Variants in SNAP91 observed in about 807,000 individuals in gnomAD.
The protein encoded by SNAP91 is synaptosome associated protein 91, also known as clathrin coat assembly protein AP180.
SNAP91 carries 27 observed loss-of-function variants against 100.3 expected under a neutral mutation model. That is an observed-to-expected ratio of 0.27 (90% confidence interval 0.20 to 0.37). SNAP91 has a LOEUF of 0.37. Among genes scored for constraint, SNAP91 ranks in the 10% least tolerant of loss-of-function variants. SNAP91 has a pLI of 1.00. For missense variants in SNAP91, 986 were observed against 1,123.7 expected, an observed-to-expected ratio of 0.88 and a Z score of 1.75; for synonymous variants, 404 against 398.6, an observed-to-expected ratio of 1.01 and a Z score of -0.16.
At chr6:83,648,172 G>A (rs1028976795) in intron 7 of SNAP91, among the ~76,000 whole-genome samples, 5 of 152,050 alleles carry the variant, frequency 3.3e-5, no homozygotes, top group Admixed American at 3.3e-4. Flanking sequence ...CTGTAAGTTA[G>A]TTTGCATTTT....
intron 2 of SNAP91, among the ~76,000 whole-genome samples, chr6:83,690,588 G>A (rs903012903): frequency 3.3e-5 from 5 of 152,002 alleles, no homozygotes; most frequent in South Asian, 2.1e-4. Flanking sequence ...TACTAAAATC[G>A]GATGCATTTC....
rs375376910 is a variant in SNAP91, at chr6:83,593,729, G to A, written c.1445C>T (p.Pro482Leu). ...DACSGNDPFA[P>L]SEGSAEAAPE... ...TGCAGCCTCTGCACTACCTTCAGAC[G>A]GGGCAAAGGGGTCTTTTGGAAAGGA... Residue 482 changes from proline (P) to leucine (L), a missense_variant, in exon 18 of 30, where the codon CCG (proline) becomes CTG (leucine). By Grantham distance (98) the Pro-to-Leu change is moderately conservative (BLOSUM62 -3). Coordinates refer to ENST00000369694, the MANE Select transcript of SNAP91 (RefSeq NM_001242792.2). 15 of 1,565,202 alleles carry A rather than the reference G, an allele frequency of 9.6e-6. No homozygotes were observed. The highest frequency in any genetic ancestry group is 9.0e-5 in the East Asian group (4 of 44,252).
Position 83,592,456 on chromosome 6 carries a change from C to T in SNAP91, c.1929G>A (p.Gly643=). Residue 643 remains glycine (G), a splice_region_variant and synonymous_variant, in exon 21 of 30, where the codon GGG becomes GGA. Coordinates refer to ENST00000369694, the MANE Select transcript of SNAP91 (RefSeq NM_001242792.2). ...TGTTGATGGAGGAGAAATACGCACC[C>T]CCAAAAAGGTCTATGACACCTGAAG... The part of the protein sequence containing the change: ...VDSSGVIDLF[G]DAFGSSASEP... 1 of 1,606,218 alleles carries T rather than the reference C, an allele frequency of 6.2e-7. No individual in the cohort carries two copies. The highest frequency in any genetic ancestry group is 8.5e-7 in the Non-Finnish European group (1 of 1,175,474).
intron 22 of SNAP91, among the ~76,000 whole-genome samples, chr6:83,585,030 G>C (rs1201753248): frequency 6.6e-6 from 1 of 152,074 alleles, no homozygotes; most frequent in African/African-American, 2.4e-5. Context: ...TGATATAAAA[G>C]GACCAACTGA....
At chr6:83,582,150 T>C in intron 23 of SNAP91, 72 bp downstream of exon 23, 2 of 1,510,602 alleles carry the variant, frequency 1.3e-6, no homozygotes, top group Non-Finnish European at 1.8e-6. Context: ...CCTGATAGCA[T>C]ACTAACCTTA....
intron 8 of SNAP91, among the ~76,000 whole-genome samples, chr6:83,628,876 C>T (rs2097090311): frequency 1.3e-5 from 2 of 152,066 alleles, no homozygotes; most frequent in Admixed American, 1.3e-4. Context: ...AATTAAGTCC[C>T]AGAAATTTAT....
chr6:83,606,891 A>T (rs906144516), intron 13 of SNAP91, among the ~76,000 whole-genome samples: 1 of 152,212 alleles, frequency 6.6e-6, no homozygotes, highest in African/African-American at 2.4e-5. Context: ...ATTTAATTAG[A>T]ACAGTAATAG....
At position 83,553,853 on chromosome 6, in the gene SNAP91, A is replaced by G. The variant is rs551849961; in HGVS notation, c.*443T>C. On this transcript the variant is annotated 3_prime_UTR_variant, in exon 30 of 30. Coordinates refer to ENST00000369694, the MANE Select transcript of SNAP91 (RefSeq NM_001242792.2). ...TTTCCTTATTATCTGGTATTATCAC[A>G]CTACGCTTGTAACAGAGATACAGAA... The G allele has an allele frequency of 3.5e-4, 53 of 152,316 alleles. No homozygotes were observed. The highest frequency in any genetic ancestry group is 1.2e-3 in the African/African-American group (49 of 41,578). 9.4% of individuals were successfully genotyped at this position (152,316 alleles called of 1,614,324 possible).
chr6:83,556,729 T>C (rs1364348501), intron 28 of SNAP91, among the ~76,000 whole-genome samples: 9 of 152,222 alleles, frequency 5.9e-5, no homozygotes, highest in Non-Finnish European at 1.2e-4. Flanking sequence ...CATTAGTACC[T>C]CTAAACTAAT....
At chr6:83,572,342 G>A (rs937696024) in intron 26 of SNAP91, among the ~76,000 whole-genome samples, 5 of 152,116 alleles carry the variant, frequency 3.3e-5, no homozygotes, top group African/African-American at 1.2e-4. Flanking sequence ...CTCCTCCTGG[G>A]TTCAAGTGAT....
chr6:83,669,684 C>A (rs555192938), intron 2 of SNAP91, among the ~76,000 whole-genome samples: 2 of 151,952 alleles, frequency 1.3e-5, no homozygotes, highest in Non-Finnish European at 2.9e-5. Flanking sequence ...CACCAATTTG[C>A]TTTCAGTCAA....
intron 7 of SNAP91, among the ~76,000 whole-genome samples, chr6:83,654,889 G>C (rs1353928080): frequency 6.6e-6 from 1 of 152,092 alleles, no homozygotes; most frequent in Non-Finnish European, 1.5e-5. Context: ...TACAGAACTA[G>C]GTAATGATTT....
chr6:83,580,071 T>A (rs888621749), intron 24 of SNAP91, among the ~76,000 whole-genome samples: 1 of 152,212 alleles, frequency 6.6e-6, no homozygotes, highest in African/African-American at 2.4e-5. Flanking sequence ...GAAACTCAGT[T>A]GGATACTCAA....
At chr6:83,692,762 CAT>C (rs1177225761) in intron 2 of SNAP91, among the ~76,000 whole-genome samples, 1 of 152,096 alleles carries the variant, frequency 6.6e-6, no homozygotes, top group African/African-American at 2.4e-5. Flanking sequence ...CATCAAAAGA[CAT>C]AACTAATGAG....
intron 11 of SNAP91, among the ~76,000 whole-genome samples, chr6:83,612,778 C>T (rs952011753): frequency 2.0e-5 from 3 of 151,496 alleles, no homozygotes; most frequent in African/African-American, 7.3e-5. Flanking sequence ...GTAATCCCAG[C>T]TACTCAGGAG....
At chr6:83,629,340 T>C (rs1484506541) in intron 8 of SNAP91, among the ~76,000 whole-genome samples, 1 of 152,212 alleles carries the variant, frequency 6.6e-6, no homozygotes, top group Non-Finnish European at 1.5e-5. Flanking sequence ...GCTTTGGCTA[T>C]GTGGGCTCTT....
chr6:83,625,542 ATGT>A (rs1228214623), intron 8 of SNAP91, among the ~76,000 whole-genome samples: 3 of 151,992 alleles, frequency 2.0e-5, no homozygotes, highest in African/African-American at 7.2e-5. Context: ...CCTTGCCAAC[ATGT>A]TGTTTTTCGG....
chr6:83,559,565 A>G (rs559740789), intron 28 of SNAP91, among the ~76,000 whole-genome samples: 1 of 152,306 alleles, frequency 6.6e-6, no homozygotes, highest in South Asian at 2.1e-4. Context: ...TAACCTGGCC[A>G]TGGAAAAACC....
rs775892593 is a variant in SNAP91 at position 83,659,037 on chromosome 6, T to C, written c.508A>G (p.Ile170Val). Reference sequence around the variant, plus strand: ...AGTGCATCAATTTGTCCCTGTAGTATTGGCATACTCTTTAGCAGCTTTTCG... The same window carrying C: ...AGTGCATCAATTTGTCCCTGTAGTACTGGCATACTCTTTAGCAGCTTTTCG... ...APEKLLKSMP[I>V]LQGQIDALLE... The change falls in exon 6 of 30, where the codon ATA (isoleucine) becomes GTA (valine). Residue 170 changes from isoleucine to valine, a missense_variant. Physicochemically the swap from Ile to Val is conservative, Grantham distance 29 (BLOSUM62 3). Coordinates refer to ENST00000369694, the MANE Select transcript of SNAP91 (RefSeq NM_001242792.2). 3.1e-6 allele frequency: 5 copies of C among 1,609,328 alleles called. No homozygotes were observed. Among genetic ancestry groups the C allele is most frequent in the Non-Finnish European group, 4.2e-6 (5 of 1,177,812 alleles).
Sources: allele counts gnomAD v4.1 joint callset (sites outside exome capture counted in the v4.1 genomes callset), GRCh38; gene constraint gnomAD v4.1.1; transcripts MANE v1.5; gene names NCBI Gene and HGNC (gene_info 2026-07-23, HGNC 2026-07-21).